The following LSAMP variants were observed in gnomAD, a reference collection of about 807,000 sequenced individuals.
The protein encoded by LSAMP is limbic system-associated membrane protein.
In LSAMP, 7 loss-of-function variants were observed where a neutral mutation model predicts 38.6. That is an observed-to-expected ratio of 0.18 (90% CI 0.10 to 0.34). The LOEUF (loss-of-function observed/expected upper bound fraction) is 0.34, where lower values mean the gene tolerates loss of function less well. LSAMP is among the 10% of genes least tolerant of loss of function. LSAMP has a pLI of 1.00. For synonymous variants in LSAMP, 154 were observed against 166.8 expected (o/e 0.92, Z 0.59); for missense variants, 313 against 420.0 (o/e 0.75, Z 2.23).
intron 1 of LSAMP, among the ~76,000 whole-genome samples, chr3:116,328,715 A>C (rs2047809130): frequency 6.6e-6 from 1 of 152,118 alleles, no homozygotes. Flanking sequence ...TGACATACCA[A>C]AGTAAAATGA....
At chr3:116,036,822 A>G (rs1268541304) in intron 2 of LSAMP, among the ~76,000 whole-genome samples, 1 of 152,196 alleles carries the variant, frequency 6.6e-6, no homozygotes, top group Non-Finnish European at 1.5e-5. Context: ...TGCTTGAGGA[A>G]ATATTGTACT....
chr3:116,149,863 G>C (rs1356915880), intron 1 of LSAMP, among the ~76,000 whole-genome samples: 1 of 151,998 alleles, frequency 6.6e-6, no homozygotes, highest in Non-Finnish European at 1.5e-5. Flanking sequence ...TTCAGCAGCT[G>C]AGAGATATAT....
chr3:115,995,891 G>A (rs561501621), intron 3 of LSAMP, among the ~76,000 whole-genome samples: 1 of 151,994 alleles, frequency 6.6e-6, no homozygotes, highest in South Asian at 2.1e-4. Context: ...TTAGTCTATG[G>A]GGACATGTGA....
At chr3:115,953,704 C>T (rs6438294) in intron 3 of LSAMP, among the ~76,000 whole-genome samples, 118,705 of 152,180 alleles carry the variant, frequency 0.78, 49,208 homozygotes, top group East Asian at 0.98. Flanking sequence ...CAAAATTCCT[C>T]TGCTACATTC....
At chr3:116,088,830 A>T (rs1708052529) in intron 1 of LSAMP, among the ~76,000 whole-genome samples, 1 of 152,216 alleles carries the variant, frequency 6.6e-6, no homozygotes, top group South Asian at 2.1e-4. Flanking sequence ...CAATAAAAAC[A>T]GCAAATTTTT....
intron 1 of LSAMP, among the ~76,000 whole-genome samples, chr3:116,185,712 A>G (rs1265488025): frequency 6.6e-6 from 1 of 152,020 alleles, no homozygotes; most frequent in Non-Finnish European, 1.5e-5. Context: ...GCTTTGAAAC[A>G]TTCTAATTGT....
chr3:115,949,227 GC>G (rs1334973745), intron 3 of LSAMP, among the ~76,000 whole-genome samples: 1 of 152,050 alleles, frequency 6.6e-6, no homozygotes, highest in East Asian at 1.9e-4. Context: ...CCACTGCACT[GC>G]AGCTTGGGTA....
intron 1 of LSAMP, among the ~76,000 whole-genome samples, chr3:116,133,708 C>T (rs879387135): frequency 2.0e-5 from 3 of 152,174 alleles, no homozygotes; most frequent in Non-Finnish European, 2.9e-5. Flanking sequence ...TTCTACAATA[C>T]ACTTTGATTA....
chr3:116,384,356 A>T (rs1265973280), intron 1 of LSAMP, among the ~76,000 whole-genome samples: 2 of 152,152 alleles, frequency 1.3e-5, no homozygotes, highest in African/African-American at 4.8e-5. Flanking sequence ...TGTTCTCAAC[A>T]GTCTGTACAT....
chr3:116,288,136 G>C (rs998566429), intron 1 of LSAMP, among the ~76,000 whole-genome samples: 3 of 152,142 alleles, frequency 2.0e-5, no homozygotes, highest in Non-Finnish European at 4.4e-5. Context: ...TCAGTGTTTT[G>C]TTTATATTAG....
intron 1 of LSAMP, among the ~76,000 whole-genome samples, chr3:116,356,833 G>A (rs1175697328): frequency 4.6e-5 from 7 of 151,972 alleles, no homozygotes; most frequent in Non-Finnish European, 8.8e-5. Flanking sequence ...TCGCTCTGTG[G>A]CCCAGGCTGG....
intron 1 of LSAMP, among the ~76,000 whole-genome samples, chr3:116,261,526 T>G (rs745534251): frequency 6.6e-6 from 1 of 152,226 alleles, no homozygotes; most frequent in Non-Finnish European, 1.5e-5. Flanking sequence ...TTTAGCTCCA[T>G]CTTTCTCATA....
rs3028640 is a variant in LSAMP at position 116,378,988 on chromosome 3, AACACACAC to A, written c.155+65881_155+65888del. Among the ~76,000 whole-genome samples the A allele has an allele frequency of 6.6e-3, 904 of 137,078 alleles. 5 individuals carry two copies. The highest frequency in any genetic ancestry group is 0.013 in the African/African-American group (477 of 36,724). The allele number at this position is 137,078 out of a possible 152,430, so 89.9% of individuals were successfully genotyped here. Reference sequence around the variant, plus strand: ...CTTTTTCCTATTGGTAATTGCTCAGAACACACACACACACACACACACACACACACACA... The same window carrying A: ...CTTTTTCCTATTGGTAATTGCTCAGAACACACACACACACACACACACACA... On this transcript the variant is annotated intron_variant, in intron 1 of 6. Transcript: ENST00000490035.
chr3:116,316,555 G>A (rs9872860), intron 1 of LSAMP, among the ~76,000 whole-genome samples: 107,378 of 151,936 alleles, frequency 0.71, 41,028 homozygotes, highest in East Asian at 0.91. Context: ...GGTAGATCAC[G>A]AGGTCAGGAG....
At chr3:116,311,468 C>G (rs909007100) in intron 1 of LSAMP, among the ~76,000 whole-genome samples, 1 of 152,120 alleles carries the variant, frequency 6.6e-6, no homozygotes, top group Non-Finnish European at 1.5e-5. Context: ...ATCATTTATA[C>G]AGAACTGGAG....
chr3:116,104,398 T>TAAAA (rs375580353), intron 1 of LSAMP, among the ~76,000 whole-genome samples: 3 of 139,976 alleles, frequency 2.1e-5, no homozygotes, highest in African/African-American at 7.8e-5. Flanking sequence ...AAGGCAATGT[T>TAAAA]AAAAAAAAAA....
chr3:116,275,448 T>C (rs1189569304), intron 1 of LSAMP, among the ~76,000 whole-genome samples: 1 of 152,160 alleles, frequency 6.6e-6, no homozygotes, highest in East Asian at 1.9e-4. Context: ...ATAGGAAAAA[T>C]CCAATTTTGT....
intron 1 of LSAMP, among the ~76,000 whole-genome samples, chr3:116,215,729 A>G (rs2046211650): frequency 6.6e-6 from 1 of 152,172 alleles, no homozygotes; most frequent in East Asian, 1.9e-4. Context: ...GGAGATAGGG[A>G]TGAATTGCCC....
At chr3:116,061,083 C>T (rs1941586541) in intron 2 of LSAMP, among the ~76,000 whole-genome samples, 1 of 152,058 alleles carries the variant, frequency 6.6e-6, no homozygotes, top group Non-Finnish European at 1.5e-5. Context: ...ACCGCTGGGA[C>T]ATCTAACATA....
Sources: gnomAD v4.1 joint callset for allele counts (sites outside exome capture counted in the v4.1 genomes callset) on GRCh38, gnomAD v4.1.1 for gene constraint, MANE v1.5 for transcripts, NCBI Gene and HGNC (gene_info 2026-07-23, HGNC 2026-07-21) for gene names.